COLEC12: variants seen among roughly 807,000 people sequenced by gnomAD.
The protein encoded by COLEC12 is collectin-12.
A neutral mutation model predicts 71.1 loss-of-function variants in COLEC12; 33 were observed. That is an observed-to-expected ratio of 0.46 (90% CI 0.35 to 0.62). COLEC12 has a LOEUF of 0.62. COLEC12 is among the 20% of genes least tolerant of loss of function. The pLI is 0.00. For synonymous variants in COLEC12, 350 were observed against 353.0 expected, an observed-to-expected ratio of 0.99 and a Z score of 0.10; for missense variants, 765 against 916.1, an observed-to-expected ratio of 0.84 and a Z score of 2.13.
rs771780493 is a variant in COLEC12 at position 346,620 on chromosome 18, T to C, written c.1002A>G (p.Glu334=). 7 of 1,614,050 alleles carry C rather than the reference T, an allele frequency of 4.3e-6. No homozygotes were observed. The African/African-American group carries it at 9.3e-5, about 22-fold the overall frequency. The change falls in exon 5 of 10, where the codon GAA becomes GAG. Residue 334 remains glutamate, a synonymous_variant. Coordinates refer to ENST00000400256, the MANE Select transcript of COLEC12 (RefSeq NM_130386.3). The surrounding 1 kb of genome is among the most constrained non-coding windows in gnomAD (Gnocchi z 4.0). ...TATCCGTCTCAAAGAGCTGGAAGCG[T>C]TCCTCCAGTTGGTTGAACTTGATGG... is the stretch of plus-strand genomic sequence containing the variant. The part of the protein sequence containing the change: ...RTAIKFNQLE[E]RFQLFETDIV...
chr18:459,815 C>T (rs1024097046), intron 2 of COLEC12, among the ~76,000 whole-genome samples: 3 of 152,206 alleles, frequency 2.0e-5, no homozygotes, highest in African/African-American at 7.2e-5. Context: ...ATTGCTCATA[C>T]GGTTAACCCT....
chr18:408,968 T>C lies in COLEC12; in HGVS notation c.59-51446A>G, dbSNP rs1915839759. Among the ~76,000 whole-genome samples, 2 of 152,026 alleles carry C rather than the reference T, an allele frequency of 1.3e-5. No homozygotes were observed. Among genetic ancestry groups the C allele is most frequent in the Admixed American group, 1.3e-4 (2 of 15,264 alleles). ...ATGCCTCAGACTCCTGAGTAGCTGG[T>C]ATTACAGGCACATACCACCACGCCT... On this transcript the variant is annotated intron_variant, in intron 2 of 9. Transcript: ENST00000400256. The surrounding 1 kb of genome is among the most constrained non-coding windows in gnomAD (Gnocchi z 4.3).
In COLEC12 at chr18:357,275, T is replaced by C. The variant is rs1914647748; in HGVS notation, c.181+125A>G. ...TAAGATACAGAGATGAAGTTTATCA[T>C]GTTGTTATTTTGCATCTGAGTTGTA... On this transcript the variant is annotated intron_variant, in intron 3 of 9. Transcript: ENST00000400256. 4 of 850,594 alleles carry C rather than the reference T, an allele frequency of 4.7e-6. No homozygotes were observed. In the South Asian group the frequency reaches 5.2e-5, roughly 11 times the overall value. The allele number at this position is 850,594 out of a possible 1,614,324, so 52.7% of individuals were successfully genotyped here.
chr18:326,771 C>T (rs1283486869), intron 8 of COLEC12, among the ~76,000 whole-genome samples: 6 of 152,172 alleles, frequency 3.9e-5, no homozygotes, highest in Admixed American at 6.5e-5. Context: ...TTGGGTAAAA[C>T]ATCCCACAAA....
Position 346,590 on chromosome 18 carries a change from C to T in COLEC12, c.1032G>A (p.Val344=). ...ERFQLFETDI[V]NIISNISYTA... is the part of the protein sequence containing the mutation. ...TGTAACTGATATTGCTAATGATGTT[C>T]ACAATATCCGTCTCAAAGAGCTGGA... The change falls in exon 5 of 10, where the codon GTG becomes GTA. Residue 344 remains valine (V), a synonymous_variant. Coordinates refer to ENST00000400256, the MANE Select transcript of COLEC12 (RefSeq NM_130386.3). The surrounding 1 kb of genome is among the most constrained non-coding windows in gnomAD (Gnocchi z 4.0). 1 of 1,614,200 alleles carries T rather than the reference C, an allele frequency of 6.2e-7. No homozygotes were observed. The highest frequency in any genetic ancestry group is 8.5e-7 in the Non-Finnish European group (1 of 1,180,018).
intron 2 of COLEC12, among the ~76,000 whole-genome samples, chr18:429,311 C>G (rs992312218): frequency 1.3e-5 from 2 of 152,102 alleles, no homozygotes; most frequent in African/African-American, 2.4e-5. Flanking sequence ...TGTACAATGC[C>G]AGACAATCTC....
rs1917807576 is a variant in COLEC12 at position 500,644 on chromosome 18, CG to C, written c.-131del. On this transcript the variant is annotated 5_prime_UTR_variant, in exon 1 of 10. Transcript: ENST00000400256. This position sits in a 1 kb window ranked among gnomAD's most constrained non-coding sequence, Gnocchi z 5.3. ...GCCGCGCGCCGGCCGTCTGCGCCCC[CG>C]TCCTCCCTCGCCGCCGCCGGCCCGC... 1.5e-6 allele frequency: 1 copy of C among 667,230 alleles called. No homozygotes were observed. The highest frequency in any genetic ancestry group is 1.9e-5 in the African/African-American group (1 of 51,524). The allele number at this position is 667,230 out of a possible 1,614,324, so 41.3% of individuals were successfully genotyped here. A position where few individuals can be genotyped will look rare whatever the true frequency, so the allele number is the denominator to read the frequency against.
intron 2 of COLEC12, among the ~76,000 whole-genome samples, chr18:421,028 T>C (rs1360988879): frequency 2.0e-5 from 3 of 152,232 alleles, no homozygotes; most frequent in Non-Finnish European, 4.4e-5. Flanking sequence ...CTGTTTACCC[T>C]GCCCTGCCTG....
Position 363,283 on chromosome 18 carries a change from T to C in COLEC12, c.59-5761A>G, listed in dbSNP as rs142303471. On this transcript the variant is annotated intron_variant, in intron 2 of 9. Coordinates refer to ENST00000400256, the MANE Select transcript of COLEC12 (RefSeq NM_130386.3). ...CATATTTTTTTGCCATGTATATCACTGAAGGTGGGCTTGTGTGTTAAAATG... is the reference window on the plus strand; with the variant it reads ...CATATTTTTTTGCCATGTATATCACCGAAGGTGGGCTTGTGTGTTAAAATG... 4.1e-3 allele frequency among the ~76,000 whole-genome samples: 627 copies of C among 152,296 alleles called. 3 individuals carry two copies. Among genetic ancestry groups the C allele is most frequent in the African/African-American group, 0.014 (589 of 41,564 alleles).
chr18:456,974 T>C (rs1598370495), intron 2 of COLEC12, among the ~76,000 whole-genome samples: 1 of 152,198 alleles, frequency 6.6e-6, no homozygotes, highest in Non-Finnish European at 1.5e-5. Context: ...GGCTCGCAGG[T>C]CTTAAAGACA....
intron 1 of COLEC12, among the ~76,000 whole-genome samples, chr18:498,479 C>T (rs554521815): frequency 3.0e-4 from 45 of 151,834 alleles, no homozygotes; most frequent in African/African-American, 1.0e-3. Flanking sequence ...CCTGCCTCAG[C>T]CTCTCAAGTA....
intron 5 of COLEC12, among the ~76,000 whole-genome samples, chr18:336,320 A>C (rs1398845195): frequency 6.6e-6 from 1 of 152,152 alleles, no homozygotes; most frequent in Admixed American, 6.5e-5. Flanking sequence ...ACAGGTGTCC[A>C]AACTCTCTGG....
chr18:373,666 G>C (rs1468295862), intron 2 of COLEC12, among the ~76,000 whole-genome samples: 1 of 152,158 alleles, frequency 6.6e-6, no homozygotes, highest in Non-Finnish European at 1.5e-5. Context: ...GGGCTTATCT[G>C]AACCGGGTAG....
At chr18:348,004 G>A (rs972642183) in intron 4 of COLEC12, 61 bp downstream of exon 4, 3 of 1,112,116 alleles carry the variant, frequency 2.7e-6, no homozygotes, top group Non-Finnish European at 4.1e-6. Context: ...ATCATTCTAA[G>A]AAGCTGTGGT....
intron 2 of COLEC12, among the ~76,000 whole-genome samples, chr18:442,788 T>C (rs1030104860): frequency 2.6e-5 from 4 of 152,202 alleles, no homozygotes; most frequent in Non-Finnish European, 5.9e-5. Context: ...GGTGAAACCC[T>C]GTCTCTATTA....
intron 2 of COLEC12, among the ~76,000 whole-genome samples, chr18:427,604 T>TA (rs1254462681): frequency 3.8e-4 from 58 of 152,178 alleles, no homozygotes; most frequent in Non-Finnish European, 1.2e-4. Flanking sequence ...TTACTGGGAC[T>TA]AAAAAATCTG....
chr18:428,947 A>G (rs560415361), intron 2 of COLEC12, among the ~76,000 whole-genome samples: 62 of 152,350 alleles, frequency 4.1e-4, no homozygotes, highest in African/African-American at 1.3e-3. Flanking sequence ...ACCAGATGGA[A>G]GGCTTTACTT....
chr18:324,103 G>C (rs994856682), intron 8 of COLEC12, among the ~76,000 whole-genome samples: 4 of 152,138 alleles, frequency 2.6e-5, no homozygotes, highest in African/African-American at 4.8e-5. Flanking sequence ...CCTGAAGCCA[G>C]ACTGAAGGGA....
chr18:445,881 C>T (rs1173115852), intron 2 of COLEC12, among the ~76,000 whole-genome samples: 1 of 152,162 alleles, frequency 6.6e-6, no homozygotes, highest in African/African-American at 2.4e-5. Flanking sequence ...ATCTGCCTGC[C>T]TCAGCCTCCC....
Sources: gnomAD v4.1 joint callset for allele counts (sites outside exome capture counted in the v4.1 genomes callset) on GRCh38, gnomAD v4.1.1 for gene constraint, Gnocchi (gnomAD v3.1) non-coding constraint, MANE v1.5 for transcripts, NCBI Gene and HGNC (gene_info 2026-07-23, HGNC 2026-07-21) for gene names.